FAM13A: variants seen among roughly 807,000 people sequenced by gnomAD.
FAM13A encodes protein FAM13A.
Under a neutral mutation model 129.6 loss-of-function variants are expected in FAM13A, and 76 were observed. That is an observed-to-expected ratio of 0.59 (90% CI 0.49 to 0.71). The LOEUF is 0.71. Ranked by LOEUF, FAM13A falls within the 30% of genes least tolerant of loss-of-function variation. The pLI is 0.00. For missense variants in FAM13A, 1,108 were observed against 1,249.3 expected (o/e 0.89, Z 1.70); for synonymous variants, 443 against 449.9 (o/e 0.98, Z 0.20).
chr4:89,010,280 T>A (rs1765565333), intron 3 of FAM13A, among the ~76,000 whole-genome samples: 1 of 152,326 alleles, frequency 6.6e-6, no homozygotes, highest in South Asian at 2.1e-4. Context: ...AGTCTGTGTT[T>A]CCCGAGTGGT....
At chr4:88,915,231 T>C (rs1166703492) in intron 5 of FAM13A, among the ~76,000 whole-genome samples, 2 of 152,216 alleles carry the variant, frequency 1.3e-5, no homozygotes, top group African/African-American at 4.8e-5. Flanking sequence ...AATTCATCTA[T>C]ATCTCAAAAT....
At chr4:88,806,897 A>G (rs895915711) in intron 7 of FAM13A, among the ~76,000 whole-genome samples, 1 of 152,196 alleles carries the variant, frequency 6.6e-6, no homozygotes, top group Non-Finnish European at 1.5e-5. Flanking sequence ...ATACTCCTAG[A>G]AAACACTAAA....
intron 6 of FAM13A, among the ~76,000 whole-genome samples, chr4:88,890,353 G>C (rs377540597): frequency 1.3e-5 from 2 of 152,302 alleles, no homozygotes; most frequent in East Asian, 1.9e-4. Context: ...TGGATCCTCC[G>C]AACCAGGGAG....
intron 3 of FAM13A, among the ~76,000 whole-genome samples, chr4:88,994,581 TG>T (rs752341456): frequency 3.2e-4 from 49 of 152,282 alleles, no homozygotes; most frequent in South Asian, 6.2e-4. Flanking sequence ...GGCTCATGCC[TG>T]TAATTCCAGC....
chr4:88,840,047 A>T (rs1212239303), intron 7 of FAM13A, among the ~76,000 whole-genome samples: 1 of 152,266 alleles, frequency 6.6e-6, no homozygotes, highest in South Asian at 2.1e-4. Flanking sequence ...TCTAAATTTG[A>T]GAAGTCTCGA....
At chr4:88,799,109 A>G (rs1020870610) in intron 8 of FAM13A, among the ~76,000 whole-genome samples, 1 of 152,258 alleles carries the variant, frequency 6.6e-6, no homozygotes, top group Non-Finnish European at 1.5e-5. Flanking sequence ...TAAATAAAAA[A>G]TAATGACTGG....
At chr4:88,976,958 G>C (rs1761000951) in intron 4 of FAM13A, among the ~76,000 whole-genome samples, 1 of 152,100 alleles carries the variant, frequency 6.6e-6, no homozygotes, top group African/African-American at 2.4e-5. Context: ...TATAGCTTAG[G>C]TGTGTAGTAG....
chr4:89,032,204 C>T (rs1358667546), intron 1 of FAM13A, among the ~76,000 whole-genome samples: 1 of 151,482 alleles, frequency 6.6e-6, no homozygotes, highest in Non-Finnish European at 1.5e-5. Context: ...GAGATCACGC[C>T]ACTGCACTCC....
chr4:88,979,907 G>T (rs1761439300), intron 4 of FAM13A, among the ~76,000 whole-genome samples: 5 of 152,162 alleles, frequency 3.3e-5, no homozygotes, highest in Admixed American at 3.3e-4. Context: ...GGAGGTGGAA[G>T]TTGCAGTGAG....
chr4:88,735,784 T>C (rs1738855533), intron 21 of FAM13A, among the ~76,000 whole-genome samples: 1 of 152,112 alleles, frequency 6.6e-6, no homozygotes, highest in Non-Finnish European at 1.5e-5. Context: ...AGCAAAGTAG[T>C]CATTGCAAAA....
chr4:88,807,308 T>A (rs1728758413), intron 7 of FAM13A, among the ~76,000 whole-genome samples: 1 of 152,142 alleles, frequency 6.6e-6, no homozygotes, highest in South Asian at 2.1e-4. Flanking sequence ...GAAGCAATAC[T>A]TTTTTCCTTT....
chr4:88,819,676 T>G (rs1204037878), intron 7 of FAM13A, among the ~76,000 whole-genome samples: 1 of 152,218 alleles, frequency 6.6e-6, no homozygotes, highest in African/African-American at 2.4e-5. Flanking sequence ...ATTCTTAGTT[T>G]AATATAGTTT....
intron 11 of FAM13A, among the ~76,000 whole-genome samples, chr4:88,772,682 T>C (rs1720914636): frequency 6.6e-6 from 1 of 152,234 alleles, no homozygotes; most frequent in African/African-American, 2.4e-5. Context: ...CAGCATAGCT[T>C]AGCCTAGCCT....
intron 7 of FAM13A, among the ~76,000 whole-genome samples, chr4:88,805,299 A>C (rs1201929248): frequency 6.6e-6 from 1 of 152,208 alleles, no homozygotes; most frequent in Non-Finnish European, 1.5e-5. Context: ...TCACACTTTC[A>C]AGAGGAAGCT....
intron 7 of FAM13A, among the ~76,000 whole-genome samples, chr4:88,834,667 C>G (rs1016513490): frequency 1.3e-5 from 2 of 152,138 alleles, no homozygotes; most frequent in African/African-American, 2.4e-5. Context: ...ACAAATCAAT[C>G]CAATTTTAAA....
At chr4:89,003,071 T>C (rs748342077) in intron 3 of FAM13A, among the ~76,000 whole-genome samples, 8 of 151,920 alleles carry the variant, frequency 5.3e-5, no homozygotes, top group South Asian at 2.1e-4. Flanking sequence ...ATGGAACCCA[T>C]GGAATGTTTA....
chr4:88,871,303 T>A (rs1051485314), intron 6 of FAM13A, among the ~76,000 whole-genome samples: 1 of 152,182 alleles, frequency 6.6e-6, no homozygotes, highest in Non-Finnish European at 1.5e-5. Flanking sequence ...CTTTGATGAA[T>A]TGACAGAAGT....
intron 6 of FAM13A, among the ~76,000 whole-genome samples, chr4:88,866,394 C>G (rs1740447940): frequency 2.6e-5 from 4 of 152,118 alleles, no homozygotes; most frequent in Admixed American, 2.6e-4. Context: ...GTTGGCCAGG[C>G]TGGTCTAGAA....
At position 89,012,887 on chromosome 4, in the gene FAM13A, G is replaced by A. The variant is rs1765919577; in HGVS notation, c.427+7573C>T. ...CAACATTAAAAAAAAAAGAAATGTA[G>A]CATTGACTTGTGACAGAATACCAAG... On this transcript the variant is annotated intron_variant, in intron 3 of 23. Coordinates refer to ENST00000264344, the MANE Select transcript of FAM13A (RefSeq NM_014883.4). Among the ~76,000 whole-genome samples, 4 of 151,904 alleles carry A rather than the reference G, an allele frequency of 2.6e-5. No homozygotes were observed. The South Asian group carries it at 8.3e-4, about 32-fold the overall frequency.
Sources: gnomAD v4.1 joint callset for allele counts (sites outside exome capture counted in the v4.1 genomes callset) on GRCh38, gnomAD v4.1.1 for gene constraint, MANE v1.5 for transcripts, NCBI Gene and HGNC (gene_info 2026-07-23, HGNC 2026-07-21) for gene names.